The following CMTR1 variants were observed in gnomAD, a reference collection of about 807,000 sequenced individuals.
The protein encoded by CMTR1 is cap-specific mRNA (nucleoside-2'-O-)-methyltransferase 1.
CMTR1 carries 39 observed loss-of-function variants against 107.0 expected under a neutral mutation model. The observed-to-expected ratio is 0.36, with a 90% confidence interval of 0.28 to 0.48. The LOEUF (loss-of-function observed/expected upper bound fraction) is 0.48, where lower values mean the gene tolerates loss of function less well. Ranked by LOEUF, CMTR1 falls within the 20% of genes least tolerant of loss-of-function variation. The probability of loss-of-function intolerance (pLI) is 0.99; values close to 1 mark genes in which losing one functional copy is unlikely to be tolerated. For missense variants in CMTR1, 672 were observed against 1,064.9 expected, an observed-to-expected ratio of 0.63 and a Z score of 5.14; for synonymous variants, 366 against 379.5, an observed-to-expected ratio of 0.96 and a Z score of 0.41.
chr6:37,477,789 G>C (rs1032176425), intron 21 of CMTR1, 150 bp downstream of exon 21: 44 of 717,756 alleles, frequency 6.1e-5, no homozygotes, highest in Non-Finnish European at 1.0e-4. Flanking sequence ...CCTCGCTGCA[G>C]CACTGCTTGC....
chr6:37,444,285 A>T (rs1453760862), intron 3 of CMTR1, 135 bp downstream of exon 3: 28 of 1,047,732 alleles, frequency 2.7e-5, no homozygotes, highest in Non-Finnish European at 3.6e-5. Flanking sequence ...AATTTAGCAG[A>T]GTGTGACCCA....
chr6:37,464,892 C>G (rs1297893687), intron 13 of CMTR1, among the ~76,000 whole-genome samples: 6 of 148,246 alleles, frequency 4.0e-5, no homozygotes, highest in Non-Finnish European at 8.9e-5. Flanking sequence ...TTCTAAAACG[C>G]TGTGTGTGTG....
chr6:37,472,324 C>G lies in CMTR1; in HGVS notation c.1621-95C>G, dbSNP rs1166544935. On this transcript the variant is annotated intron_variant, in intron 15 of 23. Coordinates refer to ENST00000373451, the MANE Select transcript of CMTR1 (RefSeq NM_015050.3). The surrounding 1 kb of genome is among the most constrained non-coding windows in gnomAD (Gnocchi z 4.1). ...TTTGTTGTGTGCCATTCCTCCTCCC[C>G]AGTCTGACCCTATCTCCTCCACCTG... The G allele has an allele frequency of 1.3e-5, 14 of 1,108,962 alleles. No individual in the cohort carries two copies. In the South Asian group the frequency reaches 1.6e-4, roughly 13 times the overall value. 68.7% of individuals were successfully genotyped at this position (1,108,962 alleles called of 1,614,324 possible).
At chr6:37,479,940 C>T (rs2113899230) in intron 23 of CMTR1, 73 bp from the exon 24 acceptor site, 5 of 1,375,802 alleles carry the variant, frequency 3.6e-6, no homozygotes, top group Non-Finnish European at 4.8e-6. Flanking sequence ...CTCCGCCCCA[C>T]ACCCTTAAGA....
chr6:37,469,491 G>A (rs753719999), intron 13 of CMTR1, among the ~76,000 whole-genome samples: 35 of 146,152 alleles, frequency 2.4e-4, no homozygotes, highest in Non-Finnish European at 4.1e-4. Context: ...AAATTTCTTG[G>A]CCATTAGTTT....
At position 37,453,236 on chromosome 6, in the gene CMTR1, G is replaced by T. The variant is rs752817476; in HGVS notation, c.705-4G>T. 1.2e-6 allele frequency: 2 copies of T among 1,614,038 alleles called. No individual in the cohort carries two copies. Among genetic ancestry groups the T allele is most frequent in the Middle Eastern group, 1.7e-4 (1 of 6,058 alleles). Reference sequence around the variant, plus strand: ...TAGTACTTTTCTGTCTTGCTTTATTGCAGGGCAGCAATGAAGATGGCTAAC... The same window carrying T: ...TAGTACTTTTCTGTCTTGCTTTATTTCAGGGCAGCAATGAAGATGGCTAAC... On this transcript the variant is annotated splice_region_variant and splice_polypyrimidine_tract_variant and intron_variant, in intron 7 of 23. Transcript: ENST00000373451.
intron 10 of CMTR1, among the ~76,000 whole-genome samples, chr6:37,459,925 G>A (rs1013348906): frequency 6.6e-6 from 1 of 152,182 alleles, no homozygotes; most frequent in African/African-American, 2.4e-5. Context: ...GGTGGAGGCT[G>A]TCTATACATG....
upstream of CMTR1, among the ~76,000 whole-genome samples, chr6:37,429,740 C>A (rs1019853042): frequency 6.6e-6 from 1 of 152,184 alleles, no homozygotes; most frequent in African/African-American, 2.4e-5. Flanking sequence ...GAGTTCAAGA[C>A]CAGCCTGGCC....
At chr6:37,424,494 A>G in the CMTR1 span, among the ~76,000 whole-genome samples, 2 of 151,372 alleles carry the variant, frequency 1.3e-5, no homozygotes, top group African/African-American at 4.9e-5. Context: ...TGATCCGCCC[A>G]CCTCGGCCTC....
At chr6:37,444,737 T>G (rs1771747465) in intron 3 of CMTR1, among the ~76,000 whole-genome samples, 2 of 152,244 alleles carry the variant, frequency 1.3e-5, no homozygotes, top group East Asian at 3.9e-4. Flanking sequence ...AGAAATATTA[T>G]AGTTGGGCCA....
At chr6:37,475,597 G>A in intron 19 of CMTR1, 185 bp downstream of exon 19, 1 of 608,106 alleles carries the variant, frequency 1.6e-6, no homozygotes, top group Non-Finnish European at 2.9e-6. Context: ...CCACTTCAGA[G>A]TTTGCTAGGG....
In CMTR1 at chr6:37,450,251, C is replaced by G; in HGVS notation, c.445C>G (p.Pro149Ala). 3.1e-6 allele frequency: 5 copies of G among 1,613,476 alleles called. No homozygotes were observed. Among genetic ancestry groups the G allele is most frequent in the Non-Finnish European group, 3.4e-6 (4 of 1,179,540 alleles). The stretch of plus-strand genomic sequence containing the variant: ...TTACTAGCCTCTCTTTTGTTTGCAG[C>G]CCAGTGCTTGTGAGCAGGTGTCATG... The part of the protein sequence containing the change: ...LNVDWRDEPE[P>A]SACEQVSWFP... Residue 149 changes from proline to alanine, a missense_variant and splice_region_variant, in exon 5 of 24, where the codon CCC becomes GCC. This residue lies in a region of CMTR1 where 583 missense variants were observed against 968.4 expected (regional missense o/e 0.60). Transcript: ENST00000373451.
chr6:37,452,085 G>A (rs1337594624), intron 6 of CMTR1, among the ~76,000 whole-genome samples: 1 of 152,176 alleles, frequency 6.6e-6, no homozygotes. Flanking sequence ...CCTGTGGTCA[G>A]CAGCCAAGAA....
intron 4 of CMTR1, among the ~76,000 whole-genome samples, chr6:37,446,936 A>G (rs981433233): frequency 6.6e-6 from 1 of 152,146 alleles, no homozygotes; most frequent in African/African-American, 2.4e-5. Flanking sequence ...TTGCTTTTCT[A>G]CTGTGGGTTT....
intron 4 of CMTR1, among the ~76,000 whole-genome samples, chr6:37,446,736 C>G (rs1562118465): frequency 6.6e-6 from 1 of 152,192 alleles, no homozygotes; most frequent in East Asian, 1.9e-4. Flanking sequence ...TAAATAGTTA[C>G]AGCTCTCCAC....
intron 1 of CMTR1, among the ~76,000 whole-genome samples, chr6:37,434,940 T>C (rs1308806978): frequency 1.3e-5 from 2 of 152,144 alleles, no homozygotes; most frequent in African/African-American, 4.8e-5. Flanking sequence ...TGGAGGTGGA[T>C]TTCTGTCCTT....
chr6:37,428,541 TCCA>T (rs1771324355), upstream of CMTR1, among the ~76,000 whole-genome samples: 1 of 152,116 alleles, frequency 6.6e-6, no homozygotes, highest in Non-Finnish European at 1.5e-5. Context: ...TACTCCAACC[TCCA>T]CCTCCCGGAT....
At chr6:37,473,379 T>G in intron 16 of CMTR1, 91 bp from the exon 17 acceptor site, 1 of 1,425,576 alleles carries the variant, frequency 7.0e-7, no homozygotes, top group Non-Finnish European at 9.6e-7. Context: ...TTCCTGTCCC[T>G]TGCCTTGTCG....
chr6:37,450,058 T>C (rs1412045150), intron 4 of CMTR1, among the ~76,000 whole-genome samples, 193 bp from the exon 5 acceptor site: 1 of 152,246 alleles, frequency 6.6e-6, no homozygotes, highest in Non-Finnish European at 1.5e-5. Context: ...GAATTGGAGC[T>C]GGCTTTAGAA....
Sources: allele counts gnomAD v4.1 joint callset (sites outside exome capture counted in the v4.1 genomes callset), GRCh38; gene constraint gnomAD v4.1.1; regional missense constraint gnomAD v4.1.1; non-coding constraint Gnocchi (gnomAD v3.1); transcripts MANE v1.5; gene names NCBI Gene and HGNC (gene_info 2026-07-23, HGNC 2026-07-21).